The following MAP2K4 variants were observed in gnomAD, a reference collection of about 807,000 sequenced individuals.
MAP2K4 encodes the protein mitogen-activated protein kinase kinase 4, also known as dual specificity mitogen-activated protein kinase kinase 4.
In MAP2K4, 4 loss-of-function variants were observed where a neutral mutation model predicts 48.5. The ratio of observed to expected loss-of-function variants is 0.08; its 90% CI spans 0.04 to 0.19. MAP2K4 has a LOEUF of 0.19. MAP2K4 is among the 10% of genes least tolerant of loss of function. The pLI is 1.00. For missense variants in MAP2K4, 258 were observed against 493.3 expected, an observed-to-expected ratio of 0.52 and a Z score of 4.52; for synonymous variants, 166 against 173.1, an observed-to-expected ratio of 0.96 and a Z score of 0.32.
At position 12,083,211 on chromosome 17, in the gene MAP2K4, G is replaced by A. The variant is rs572008488; in HGVS notation, c.393+1681G>A. Among the ~76,000 whole-genome samples the A allele has an allele frequency of 1.3e-4, 20 of 152,270 alleles. No homozygotes were observed. The South Asian group carries it at 3.7e-3, about 28-fold the overall frequency. On this transcript the variant is annotated intron_variant, in intron 3 of 10. Coordinates refer to ENST00000353533, the MANE Select transcript of MAP2K4 (RefSeq NM_003010.4). ...AGCCATTGTTAAAAAGGTCATAAAG[G>A]TAAAGAGGGTACTTCCTTTTGACAC... is the stretch of plus-strand genomic sequence containing the variant.
chr17:12,046,158 G>A (rs537392270), intron 1 of MAP2K4, among the ~76,000 whole-genome samples: 31 of 152,296 alleles, frequency 2.0e-4, no homozygotes, highest in African/African-American at 7.0e-4. Flanking sequence ...TAAGGATTCA[G>A]AGAACTATTA....
At chr17:12,134,542 A>ATG (rs764457207) in intron 9 of MAP2K4, among the ~76,000 whole-genome samples, 15 of 152,226 alleles carry the variant, frequency 9.9e-5, no homozygotes, top group Non-Finnish European at 1.9e-4. Context: ...CATGAGGTAA[A>ATG]TGGTAAGAGA....
intron 9 of MAP2K4, among the ~76,000 whole-genome samples, chr17:12,130,539 C>T (rs970400453): frequency 3.3e-5 from 5 of 152,108 alleles, no homozygotes; most frequent in African/African-American, 1.2e-4. Flanking sequence ...TTCTTTTTAA[C>T]TCCTTGATCT....
intron 9 of MAP2K4, among the ~76,000 whole-genome samples, chr17:12,131,128 G>A (rs1973009175): frequency 6.6e-6 from 1 of 151,842 alleles, no homozygotes; most frequent in South Asian, 2.1e-4. Context: ...AAAAAATACT[G>A]AGAGATACTA....
chr17:12,050,281 T>A (rs1970098650), intron 1 of MAP2K4, among the ~76,000 whole-genome samples: 1 of 152,214 alleles, frequency 6.6e-6, no homozygotes, highest in Non-Finnish European at 1.5e-5. Context: ...TTAATAAATA[T>A]TTGTTGAACT....
At position 12,021,032 on chromosome 17, in the gene MAP2K4, C is replaced by G. The variant is rs1049867251; in HGVS notation, c.115+31C>G. The G allele has an allele frequency of 3.4e-4, 404 of 1,172,130 alleles. 2 individuals are homozygous for G. The highest frequency in any genetic ancestry group is 4.1e-4 in the Non-Finnish European group (387 of 940,282). 72.6% of individuals were successfully genotyped at this position (1,172,130 alleles called of 1,614,324 possible). A position where few individuals can be genotyped will look rare whatever the true frequency, so the allele number is the denominator to read the frequency against. ...GAACGCGGCCGCGCCGAGATCCCAGCCCCCTAGCGCGGCAACCCGCGTCGT... is the reference window on the plus strand; with the variant it reads ...GAACGCGGCCGCGCCGAGATCCCAGGCCCCTAGCGCGGCAACCCGCGTCGT... On this transcript the variant is annotated intron_variant, in intron 1 of 10. Transcript: ENST00000353533.
At chr17:12,109,758 C>G (rs1024819323) in intron 5 of MAP2K4, among the ~76,000 whole-genome samples, 2 of 152,118 alleles carry the variant, frequency 1.3e-5, no homozygotes, top group Non-Finnish European at 2.9e-5. Flanking sequence ...AAATTGAAAT[C>G]GATTTTGCTG....
At chr17:12,048,835 T>G (rs761274714) in intron 1 of MAP2K4, among the ~76,000 whole-genome samples, 3 of 151,968 alleles carry the variant, frequency 2.0e-5, no homozygotes, top group Non-Finnish European at 2.9e-5. Context: ...TTTTGTATTT[T>G]TAGTAGAGAC....
At chr17:12,125,107 A>G in intron 7 of MAP2K4, 187 bp from the exon 8 acceptor site, 1 of 574,680 alleles carries the variant, frequency 1.7e-6, no homozygotes, top group Non-Finnish European at 3.1e-6. Flanking sequence ...TTATGGAAGT[A>G]GCCATTAAGT....
intron 2 of MAP2K4, among the ~76,000 whole-genome samples, chr17:12,066,124 G>GTTTC (rs200954692): frequency 6.9e-6 from 1 of 144,936 alleles, no homozygotes; most frequent in African/African-American, 2.5e-5. Flanking sequence ...ATTTACTATT[G>GTTTC]TTTCTTTCTT....
At chr17:12,106,664 TAA>T (rs914217658) in intron 4 of MAP2K4, among the ~76,000 whole-genome samples, 1 of 152,142 alleles carries the variant, frequency 6.6e-6, no homozygotes, top group Non-Finnish European at 1.5e-5. Context: ...GCTGTATTTA[TAA>T]ATAAGTAACA....
Position 12,142,129 on chromosome 17 carries a change from A to T in MAP2K4, c.*869A>T, listed in dbSNP as rs1369749772. 4.3e-6 allele frequency: 1 copy of T among 233,436 alleles called. No individual in the cohort carries two copies. Among genetic ancestry groups the T allele is most frequent in the Middle Eastern group, 1.2e-3 (1 of 808 alleles). The allele number at this position is 233,436 out of a possible 1,614,324, so 14.5% of individuals were successfully genotyped here. ...AAAGAAGAAAACAGTACAGAAGGCA[A>T]AGTTTACAGATGTTTTTAATTCTAG... is the stretch of plus-strand genomic sequence containing the variant. On this transcript the variant is annotated 3_prime_UTR_variant, in exon 11 of 11. Transcript: ENST00000353533.
rs1392671077 is a variant in MAP2K4 at position 12,060,722 on chromosome 17, CTA to C, written c.218+5733_218+5734del. Reference sequence around the variant, plus strand: ...TGTTTAATCTCAAATGTGTTAAATACTATGGGGTGTGTGTGTGTGTGTGTGCG... The same window carrying C: ...TGTTTAATCTCAAATGTGTTAAATACTGGGGTGTGTGTGTGTGTGTGTGCG... On this transcript the variant is annotated intron_variant, in intron 2 of 10. Transcript: ENST00000353533. Among the ~76,000 whole-genome samples the C allele has an allele frequency of 4.2e-5, 6 of 143,398 alleles. No individual in the cohort carries two copies. The East Asian group carries it at 1.1e-3, about 26-fold the overall frequency. 94.1% of individuals were successfully genotyped at this position (143,398 alleles called of 152,430 possible).
At chr17:12,021,753 A>AAAG (rs1287280121) in intron 1 of MAP2K4, among the ~76,000 whole-genome samples, 4 of 151,794 alleles carry the variant, frequency 2.6e-5, no homozygotes, top group African/African-American at 9.7e-5. Context: ...AAAAAAAAAA[A>AAAG]AAGAAGACTT....
chr17:12,140,323 A>C (rs990335847), intron 10 of MAP2K4, among the ~76,000 whole-genome samples: 2 of 152,180 alleles, frequency 1.3e-5, no homozygotes, highest in Non-Finnish European at 2.9e-5. Flanking sequence ...TGTTTTAAGC[A>C]GTCTACTGGG....
At position 12,132,362 on chromosome 17, in the gene MAP2K4, G is replaced by A. The variant is rs189108929; in HGVS notation, c.1040+3075G>A. 7.4e-4 allele frequency among the ~76,000 whole-genome samples: 112 copies of A among 152,290 alleles called. 1 individual carries two copies. The highest frequency in any genetic ancestry group is 2.4e-3 in the African/African-American group (101 of 41,566). On this transcript the variant is annotated intron_variant, in intron 9 of 10. Transcript: ENST00000353533. The stretch of plus-strand genomic sequence containing the variant: ...ACAGTAGAACAGATAATAAATTGTA[G>A]CATTATGTATACAGCAGTATATAGC...
At chr17:12,026,654 T>C (rs1302878446) in intron 1 of MAP2K4, among the ~76,000 whole-genome samples, 2 of 152,232 alleles carry the variant, frequency 1.3e-5, no homozygotes, top group African/African-American at 4.8e-5. Flanking sequence ...CTCTACTGCA[T>C]GGTTCTCTGA....
chr17:12,022,580 G>A, intron 1 of MAP2K4, among the ~76,000 whole-genome samples: 1 of 152,126 alleles, frequency 6.6e-6, no homozygotes, highest in East Asian at 1.9e-4. Flanking sequence ...TTGGTGGGGA[G>A]GCTGACAGTT....
chr17:12,095,527 T>C (rs1206205402), intron 3 of MAP2K4, 48 bp from the exon 4 acceptor site: 10 of 1,610,328 alleles, frequency 6.2e-6, no homozygotes, highest in Non-Finnish European at 8.5e-6. Context: ...TTGGTGTTTT[T>C]GACAAAATTA....
Sources: allele counts gnomAD v4.1 joint callset (sites outside exome capture counted in the v4.1 genomes callset), GRCh38; gene constraint gnomAD v4.1.1; transcripts MANE v1.5; gene names NCBI Gene and HGNC (gene_info 2026-07-23, HGNC 2026-07-21).